The following LYN variants were observed in gnomAD, a reference collection of about 807,000 sequenced individuals.
LYN encodes the protein LYN proto-oncogene, Src family tyrosine kinase.
LYN carries 12 observed loss-of-function variants against 65.0 expected under a neutral mutation model. That is an observed-to-expected ratio of 0.18 (90% confidence interval 0.12 to 0.30). LYN has a LOEUF of 0.30. Among genes scored for constraint, LYN ranks in the 10% least tolerant of loss-of-function variants. The pLI, the probability that LYN is intolerant of heterozygous loss-of-function variation, is 1.00. For missense variants in LYN, 380 were observed against 623.2 expected, an observed-to-expected ratio of 0.61 and a Z score of 4.16; for synonymous variants, 222 against 221.2, an observed-to-expected ratio of 1.00 and a Z score of -0.03.
chr8:55,885,862 C>T (rs754362086), intron 1 of LYN, among the ~76,000 whole-genome samples: 1 of 152,080 alleles, frequency 6.6e-6, no homozygotes, highest in Admixed American at 6.6e-5. Flanking sequence ...TTGCCTGCAG[C>T]CCCACCTTCC....
chr8:56,009,904 C>T lies in LYN; in HGVS notation c.1337-4C>T, dbSNP rs1217755121. 1 of 1,613,126 alleles carries T rather than the reference C, an allele frequency of 6.2e-7. No individual in the cohort carries two copies. Among genetic ancestry groups the T allele is most frequent in the Non-Finnish European group, 8.5e-7 (1 of 1,179,504 alleles). The stretch of plus-strand genomic sequence containing the variant: ...TCTGTTCTTTTTGTTTTTTTCCACC[C>T]TAGGGAGAACTAATGCCGACGTGAT... On this transcript the variant is annotated splice_polypyrimidine_tract_variant and splice_region_variant and intron_variant, in intron 12 of 12. Transcript: ENST00000519728.
chr8:55,933,999 G>A (rs574896615), intron 1 of LYN, among the ~76,000 whole-genome samples: 10 of 152,262 alleles, frequency 6.6e-5, no homozygotes, highest in South Asian at 4.1e-4. Context: ...AGGCCAAGGC[G>A]GGCGGATCAC....
chr8:55,932,324 T>G lies in LYN; in HGVS notation c.-5-9531T>G, dbSNP rs1046276969. On this transcript the variant is annotated intron_variant, in intron 1 of 12. Coordinates refer to ENST00000519728, the MANE Select transcript of LYN (RefSeq NM_002350.4). Reference sequence around the variant, plus strand: ...AAGCTACTAATTACTAGTGACAGATTAATATAGTTCTAAGAAGACTCAATA... The same window carrying G: ...AAGCTACTAATTACTAGTGACAGATGAATATAGTTCTAAGAAGACTCAATA... Among the ~76,000 whole-genome samples the G allele has an allele frequency of 2.6e-5, 4 of 152,318 alleles. No individual in the cohort carries two copies. In the East Asian group the frequency reaches 5.8e-4, roughly 22 times the overall value.
chr8:55,963,165 C>T (rs1482985254), intron 8 of LYN, among the ~76,000 whole-genome samples: 3 of 152,198 alleles, frequency 2.0e-5, no homozygotes, highest in South Asian at 2.1e-4. Flanking sequence ...ATGAACAATG[C>T]GCTGCACATT....
Position 55,950,489 on chromosome 8 carries a change from T to C in LYN, c.315T>C (p.Leu105=). The change falls in exon 5 of 13, where the codon CTT becomes CTC. Residue 105 remains leucine, a synonymous_variant. Transcript: ENST00000519728. ...GAGAATGGTGGAAAGCAAAGTCCCTTTTAACAAAAAAAGAAGGCTTCATCC... is the reference window on the plus strand; with the variant it reads ...GAGAATGGTGGAAAGCAAAGTCCCTCTTAACAAAAAAAGAAGGCTTCATCC... ...EHGEWWKAKS[L]LTKKEGFIPS... The C allele has an allele frequency of 6.2e-7, 1 of 1,613,162 alleles. No individual in the cohort carries two copies. The highest frequency in any genetic ancestry group is 8.5e-7 in the Non-Finnish European group (1 of 1,179,796).
chr8:55,898,627 A>G (rs537427815), intron 1 of LYN, among the ~76,000 whole-genome samples: 2 of 152,304 alleles, frequency 1.3e-5, no homozygotes, highest in South Asian at 2.1e-4. Context: ...CACATATTGT[A>G]TAATTCACTC....
chr8:55,963,222 G>A (rs192795615), intron 8 of LYN, among the ~76,000 whole-genome samples: 1 of 152,330 alleles, frequency 6.6e-6, no homozygotes. Flanking sequence ...GAGCTCTAGG[G>A]TGAGTGGGAG....
At chr8:55,911,476 G>T (rs1347720692) in intron 1 of LYN, among the ~76,000 whole-genome samples, 1 of 150,806 alleles carries the variant, frequency 6.6e-6, no homozygotes, top group Non-Finnish European at 1.5e-5. Flanking sequence ...AAATACTCAA[G>T]GAATTGCGTG....
intron 1 of LYN, among the ~76,000 whole-genome samples, chr8:55,892,722 T>G (rs1804991432): frequency 6.6e-6 from 1 of 152,128 alleles, no homozygotes; most frequent in African/African-American, 2.4e-5. Context: ...AAAGAATATT[T>G]CTGACACAGT....
At chr8:55,936,991 G>T (rs1806456179) in intron 1 of LYN, among the ~76,000 whole-genome samples, 1 of 152,122 alleles carries the variant, frequency 6.6e-6, no homozygotes, top group South Asian at 2.1e-4. Context: ...CACGTCTTTT[G>T]TCTCTGACCC....
At chr8:55,973,402 A>G (rs1807664042) in intron 10 of LYN, among the ~76,000 whole-genome samples, 3 of 152,202 alleles carry the variant, frequency 2.0e-5, no homozygotes, top group Admixed American at 1.3e-4. Context: ...TCTTTGTATT[A>G]AATTAAGCAA....
Position 56,013,994 on chromosome 8 carries a change from TCTTGTG to T in LYN, c.*3888_*3893del, listed in dbSNP as rs1409515440. The T allele has an allele frequency of 6.6e-6, 1 of 152,204 alleles. No homozygotes were observed. The highest frequency in any genetic ancestry group is 1.5e-5 in the Non-Finnish European group (1 of 68,028). The allele number at this position is 152,204 out of a possible 1,614,324, so 9.4% of individuals were successfully genotyped here. A position where few individuals can be genotyped will look rare whatever the true frequency, so the allele number is the denominator to read the frequency against. On this transcript the variant is annotated 3_prime_UTR_variant, in exon 13 of 13. Coordinates refer to ENST00000519728, the MANE Select transcript of LYN (RefSeq NM_002350.4). Reference sequence around the variant, plus strand: ...TACACACATTCTTTACTCAGGGCCCTCTTGTGCTTTGGCAAATGATAAAAATTATCT... The same window carrying T: ...TACACACATTCTTTACTCAGGGCCCTCTTTGGCAAATGATAAAAATTATCT...
At chr8:55,917,650 C>A (rs1805817209) in intron 1 of LYN, among the ~76,000 whole-genome samples, 1 of 152,212 alleles carries the variant, frequency 6.6e-6, no homozygotes, top group African/African-American at 2.4e-5. Context: ...CCTCCACTCA[C>A]ATGGAGACAG....
intron 1 of LYN, chr8:55,895,633 T>A (rs1256438657): frequency 6.6e-6 from 1 of 152,154 alleles, no homozygotes; most frequent in African/African-American, 2.4e-5. Context: ...CTACAATTTT[T>A]TTTTTAAAGG....
At chr8:55,991,105 C>T (rs1014521319) in intron 10 of LYN, among the ~76,000 whole-genome samples, 13 of 152,160 alleles carry the variant, frequency 8.5e-5, no homozygotes, top group African/African-American at 2.9e-4. Flanking sequence ...CTCTGAGATG[C>T]TGCTCGGGGT....
intron 8 of LYN, among the ~76,000 whole-genome samples, chr8:55,954,424 G>A (rs1227429265): frequency 6.6e-6 from 1 of 152,208 alleles, no homozygotes; most frequent in African/African-American, 2.4e-5. Flanking sequence ...TCAAAGTCAC[G>A]TCATGAAGAA....
chr8:55,991,470 C>G (rs1444730504), intron 10 of LYN, among the ~76,000 whole-genome samples: 1 of 152,220 alleles, frequency 6.6e-6, no homozygotes, highest in Non-Finnish European at 1.5e-5. Context: ...CTCTAGATGA[C>G]TGGAAGTCTA....
At chr8:55,936,975 AC>A (rs112497839) in intron 1 of LYN, among the ~76,000 whole-genome samples, 22,044 of 151,894 alleles carry the variant, frequency 0.15, 1,740 homozygotes, top group Middle Eastern at 0.29. Context: ...TCCCTTTTCT[AC>A]CCCCCACGTC....
intron 2 of LYN, 129 bp downstream of exon 2, chr8:55,942,120 G>C (rs904564389): frequency 3.1e-5 from 28 of 903,682 alleles, no homozygotes; most frequent in Middle Eastern, 4.3e-4. Context: ...AATAATTTTT[G>C]ATATGCTTTG....
Sources: gnomAD v4.1 joint callset for allele counts (sites outside exome capture counted in the v4.1 genomes callset) on GRCh38, gnomAD v4.1.1 for gene constraint, MANE v1.5 for transcripts, NCBI Gene and HGNC (gene_info 2026-07-23, HGNC 2026-07-21) for gene names.